KCNQ5: variants seen among roughly 807,000 people sequenced by gnomAD.
The protein encoded by KCNQ5 is potassium voltage-gated channel subfamily KQT member 5.
In KCNQ5, 30 loss-of-function variants were observed where a neutral mutation model predicts 98.2. The observed-to-expected ratio is 0.31, with a 90% CI of 0.23 to 0.41. The LOEUF (loss-of-function observed/expected upper bound fraction) is 0.41, where lower values mean the gene tolerates loss of function less well. Among genes scored for constraint, KCNQ5 ranks in the 10% least tolerant of loss-of-function variants. KCNQ5 has a pLI of 1.00. For missense variants in KCNQ5, 835 were observed against 1,182.5 expected (o/e 0.71, Z 4.31); for synonymous variants, 458 against 449.4 (o/e 1.02, Z -0.24).
At chr6:72,634,171 A>T (rs6917707) in intron 1 of KCNQ5, among the ~76,000 whole-genome samples, 102,074 of 152,076 alleles carry the variant, frequency 0.67, 34,690 homozygotes, top group Middle Eastern at 0.84. Context: ...CTCTCAGCAA[A>T]ATAGTGTATG....
At chr6:72,895,517 A>C (rs1779216244) in intron 1 of KCNQ5, among the ~76,000 whole-genome samples, 1 of 151,700 alleles carries the variant, frequency 6.6e-6, no homozygotes, top group Admixed American at 6.6e-5. Context: ...ATTCTTTAAG[A>C]AAAAACAAAA....
intron 1 of KCNQ5, among the ~76,000 whole-genome samples, chr6:72,727,487 C>T (rs200551880): frequency 6.6e-6 from 1 of 152,158 alleles, no homozygotes; most frequent in East Asian, 1.9e-4. Flanking sequence ...CTGTTGTTTT[C>T]TGAGGGGCAG....
At chr6:72,859,300 T>G (rs966434071) in intron 1 of KCNQ5, among the ~76,000 whole-genome samples, 2 of 152,172 alleles carry the variant, frequency 1.3e-5, no homozygotes, top group African/African-American at 4.8e-5. Flanking sequence ...GTCAATGGCA[T>G]TGAACACATC....
chr6:72,729,040 C>T (rs148186241), intron 1 of KCNQ5, among the ~76,000 whole-genome samples: 245 of 152,062 alleles, frequency 1.6e-3, no homozygotes, highest in African/African-American at 5.5e-3. Flanking sequence ...GCGCAATGTT[C>T]TTTTTTTCAC....
intron 1 of KCNQ5, among the ~76,000 whole-genome samples, chr6:72,932,759 A>G (rs1208533442): frequency 1.3e-5 from 2 of 152,180 alleles, no homozygotes; most frequent in African/African-American, 2.4e-5. Context: ...AAATGCATCT[A>G]TATCCTGCAT....
chr6:72,793,419 G>A (rs951520302), intron 1 of KCNQ5, among the ~76,000 whole-genome samples: 2 of 152,204 alleles, frequency 1.3e-5, no homozygotes, highest in African/African-American at 4.8e-5. Flanking sequence ...TTGCAGTTGC[G>A]AGGATTCTGC....
intron 1 of KCNQ5, among the ~76,000 whole-genome samples, chr6:72,827,951 A>G (rs1776073609): frequency 6.6e-6 from 1 of 152,120 alleles, no homozygotes; most frequent in Non-Finnish European, 1.5e-5. Flanking sequence ...GCATACGGAT[A>G]TCCAGTTTTC....
At chr6:72,851,750 A>T (rs1582409740) in intron 1 of KCNQ5, among the ~76,000 whole-genome samples, 1 of 151,876 alleles carries the variant, frequency 6.6e-6, no homozygotes, top group East Asian at 1.9e-4. Flanking sequence ...TACTTTAAGA[A>T]ATTACCTATA....
At chr6:72,628,343 T>G (rs1232540591) in intron 1 of KCNQ5, among the ~76,000 whole-genome samples, 4 of 152,172 alleles carry the variant, frequency 2.6e-5, no homozygotes, top group African/African-American at 9.7e-5. Context: ...ATTCTGTAAG[T>G]CATTTCACAC....
intron 1 of KCNQ5, among the ~76,000 whole-genome samples, chr6:72,950,973 CTTTT>C (rs1766775584): frequency 6.6e-6 from 1 of 152,110 alleles, no homozygotes; most frequent in Non-Finnish European, 1.5e-5. Context: ...CTTCTCTGGC[CTTTT>C]TTGTTACTGC....
chr6:73,167,559 C>T (rs1777853328), intron 10 of KCNQ5, among the ~76,000 whole-genome samples: 1 of 152,226 alleles, frequency 6.6e-6, no homozygotes, highest in South Asian at 2.1e-4. Context: ...ATACCACTAA[C>T]AACTTGTAAA....
At chr6:73,075,772 G>T (rs553820386) in intron 3 of KCNQ5, among the ~76,000 whole-genome samples, 1 of 152,056 alleles carries the variant, frequency 6.6e-6, no homozygotes, top group South Asian at 2.1e-4. Context: ...GGCGGACACC[G>T]GTGGCTCACA....
intron 1 of KCNQ5, among the ~76,000 whole-genome samples, chr6:72,882,783 G>A (rs1026624417): frequency 1.6e-4 from 25 of 151,996 alleles, no homozygotes; most frequent in African/African-American, 6.0e-4. Flanking sequence ...TTCTAGGAAC[G>A]GTTTAACTCA....
At chr6:72,808,507 A>G (rs564061519) in intron 1 of KCNQ5, among the ~76,000 whole-genome samples, 3 of 152,282 alleles carry the variant, frequency 2.0e-5, no homozygotes, top group Non-Finnish European at 2.9e-5. Flanking sequence ...ATTTTCTCCT[A>G]TGTCTTATGT....
intron 1 of KCNQ5, among the ~76,000 whole-genome samples, chr6:72,642,416 A>G (rs1582031198): frequency 6.6e-6 from 1 of 152,042 alleles, no homozygotes; most frequent in East Asian, 1.9e-4. Flanking sequence ...GGTTTGCTGC[A>G]CAGATCAACC....
intron 1 of KCNQ5, among the ~76,000 whole-genome samples, chr6:72,854,647 A>G (rs1777441820): frequency 6.6e-6 from 1 of 150,896 alleles, no homozygotes; most frequent in Non-Finnish European, 1.5e-5. Flanking sequence ...CATCTTTTTT[A>G]TAATGTCAAA....
chr6:73,102,263 A>G (rs1368929628), intron 5 of KCNQ5, among the ~76,000 whole-genome samples: 4 of 152,202 alleles, frequency 2.6e-5, no homozygotes, highest in African/African-American at 4.8e-5. Flanking sequence ...AATGGGATTA[A>G]AAAGTTAAAT....
At chr6:73,150,832 A>ATG (rs35693535) in intron 10 of KCNQ5, among the ~76,000 whole-genome samples, 103,992 of 148,084 alleles carry the variant, frequency 0.7, 41,446 homozygotes, top group Non-Finnish European at 0.88. Flanking sequence ...ATATATATAT[A>ATG]TGTGTGTGTG....
At chr6:73,113,300 G>C (rs190803895) in intron 7 of KCNQ5, among the ~76,000 whole-genome samples, 1 of 152,100 alleles carries the variant, frequency 6.6e-6, no homozygotes, top group Non-Finnish European at 1.5e-5. Flanking sequence ...CCTTTCATCC[G>C]TCTGAGCACC....
Sources: allele counts gnomAD v4.1 joint callset (sites outside exome capture counted in the v4.1 genomes callset), GRCh38; gene constraint gnomAD v4.1.1; transcripts MANE v1.5; gene names NCBI Gene and HGNC (gene_info 2026-07-23, HGNC 2026-07-21).